Variants in NPM1 observed in about 807,000 individuals in gnomAD.
The protein encoded by NPM1 is nucleophosmin.
NPM1 carries 1 observed loss-of-function variant against 44.1 expected under a neutral mutation model. The ratio of observed to expected loss-of-function variants is 0.02; its 90% confidence interval spans 0.01 to 0.11. The LOEUF is 0.11. Ranked by LOEUF, NPM1 falls within the 10% of genes least tolerant of loss-of-function variation. NPM1 has a pLI of 1.00. For missense variants in NPM1, 197 were observed against 347.8 expected, an observed-to-expected ratio of 0.57 and a Z score of 3.45; for synonymous variants, 126 against 111.8, an observed-to-expected ratio of 1.13 and a Z score of -0.80.
At chr5:171,392,209 A>G (rs114376438) in intron 4 of NPM1, among the ~76,000 whole-genome samples, 2,324 of 152,298 alleles carry the variant, frequency 0.015, 52 homozygotes, top group African/African-American at 0.052. Context: ...TCAAAGTGCT[A>G]GTATTACACG....
At chr5:171,395,557 A>G (rs1027625640) in intron 6 of NPM1, among the ~76,000 whole-genome samples, 1 of 152,302 alleles carries the variant, frequency 6.6e-6, no homozygotes, top group Non-Finnish European at 1.5e-5. Context: ...GTGAGCCACC[A>G]TGCACCGCCG....
At chr5:171,398,830 T>C (rs1771044296) in intron 6 of NPM1, among the ~76,000 whole-genome samples, 1 of 152,240 alleles carries the variant, frequency 6.6e-6, no homozygotes, top group Admixed American at 6.5e-5. Context: ...CCTTAACATG[T>C]AAGAACAGTA....
At chr5:171,397,486 A>G (rs1431555351) in intron 6 of NPM1, among the ~76,000 whole-genome samples, 2 of 152,156 alleles carry the variant, frequency 1.3e-5, no homozygotes, top group Non-Finnish European at 2.9e-5. Context: ...TCCTGGTGGT[A>G]TGAAGTGCTG....
intron 6 of NPM1, among the ~76,000 whole-genome samples, chr5:171,398,349 T>C (rs924105187): frequency 6.6e-6 from 1 of 152,226 alleles, no homozygotes; most frequent in African/African-American, 2.4e-5. Context: ...TGTTCCATTT[T>C]GAGTAAACTT....
At chr5:171,387,199 T>C (rs1256112635), upstream of NPM1, 1 of 152,204 alleles carries the variant, frequency 6.6e-6, no homozygotes, top group Admixed American at 6.5e-5. Flanking sequence ...TTGGAGATGT[T>C]TTCTCAGGAA....
intron 8 of NPM1, among the ~76,000 whole-genome samples, chr5:171,402,098 T>G (rs1012824182): frequency 6.7e-6 from 1 of 149,788 alleles, no homozygotes; most frequent in Non-Finnish European, 1.5e-5. Context: ...ATTTACAATT[T>G]AAACGAATAA....
intron 6 of NPM1, among the ~76,000 whole-genome samples, chr5:171,394,040 T>TG (rs1770734371): frequency 2.0e-5 from 2 of 98,576 alleles, no homozygotes; most frequent in African/African-American, 3.7e-5. Flanking sequence ...GTTTTTGTTT[T>TG]CTTTTTTTTT....
Position 171,390,085 on chromosome 5 carries a change from T to C in NPM1, c.93T>C (p.Phe31=), listed in dbSNP as rs1054208939. 4 of 1,580,156 alleles carry C rather than the reference T, an allele frequency of 2.5e-6. No individual in the cohort carries two copies. Among genetic ancestry groups the C allele is most frequent in the African/African-American group, 1.4e-5 (1 of 73,294 alleles). ...CELKADKDYH[F]KVDNDENEHQ... Reference sequence around the variant, plus strand: ...TAAAGGCCGACAAAGATTATCACTTTAAGGTGGATAATGATGAAAATGAGC... The same window carrying C: ...TAAAGGCCGACAAAGATTATCACTTCAAGGTGGATAATGATGAAAATGAGC... Residue 31 remains phenylalanine, a synonymous_variant, in exon 2 of 11, where the codon TTT becomes TTC. Transcript: ENST00000296930.
intron 6 of NPM1, 87 bp from the exon 7 acceptor site, chr5:171,400,066 A>C (rs1771111399): frequency 1.2e-6 from 1 of 802,480 alleles, no homozygotes; most frequent in East Asian, 2.5e-5. Flanking sequence ...ATGGGTGCAC[A>C]AATAATCACT....
chr5:171,405,123 A>G (rs1324316809), intron 8 of NPM1, among the ~76,000 whole-genome samples, 179 bp from the exon 9 acceptor site: 3 of 152,140 alleles, frequency 2.0e-5, no homozygotes, highest in Non-Finnish European at 4.4e-5. Context: ...TTCCTTCCTT[A>G]AAGGAAAGAT....
chr5:171,401,003 T>C, intron 8 of NPM1, 78 bp downstream of exon 8: 2 of 1,041,202 alleles, frequency 1.9e-6, no homozygotes, highest in East Asian at 2.4e-5. Flanking sequence ...ATCTAGTGTG[T>C]CTGAAATTTG....
chr5:171,405,559 CATTT>C (rs909111991), intron 9 of NPM1, 156 bp downstream of exon 9: 128 of 632,642 alleles, frequency 2.0e-4, no homozygotes, highest in African/African-American at 1.2e-3. Context: ...TCTTATAAAA[CATTT>C]ATAATCGTGT....
chr5:171,387,887 T>C lies in NPM1; in HGVS notation c.-62T>C, dbSNP rs1030760577. The C allele has an allele frequency of 8.6e-6, 13 of 1,519,196 alleles. No homozygotes were observed. The East Asian group carries it at 1.8e-4, about 21-fold the overall frequency. The allele number at this position is 1,519,196 out of a possible 1,614,324, so 94.1% of individuals were successfully genotyped here. A position where few individuals can be genotyped will look rare whatever the true frequency, so the allele number is the denominator to read the frequency against. On this transcript the variant is annotated 5_prime_UTR_variant, in exon 1 of 11. Transcript: ENST00000296930. ...GATTCCGTCCTGCGCGGTTGTTCTCTGGAGCAGCGTTCTTTTATCTCCGTC... is the reference window on the plus strand; with the variant it reads ...GATTCCGTCCTGCGCGGTTGTTCTCCGGAGCAGCGTTCTTTTATCTCCGTC...
intron 10 of NPM1, among the ~76,000 whole-genome samples, chr5:171,408,604 A>G (rs952527420): frequency 1.3e-5 from 2 of 152,152 alleles, no homozygotes; most frequent in Non-Finnish European, 2.9e-5. Flanking sequence ...GCTTTGTGAA[A>G]GTTGTAGTGA....
intron 6 of NPM1, among the ~76,000 whole-genome samples, chr5:171,398,640 G>T (rs767509022): frequency 1.3e-5 from 2 of 152,016 alleles, no homozygotes; most frequent in Non-Finnish European, 2.9e-5. Context: ...GCATGGTAGC[G>T]TGTGCCTGTA....
Position 171,401,008 on chromosome 5 carries a change from A to G in NPM1, c.669+83A>G, listed in dbSNP as rs147066105. 346 of 963,374 alleles carry G rather than the reference A, an allele frequency of 3.6e-4. 2 individuals are homozygous for G. In the African/African-American group the frequency reaches 5.0e-3, roughly 14 times the overall value. 59.7% of individuals were successfully genotyped at this position (963,374 alleles called of 1,614,324 possible). A position where few individuals can be genotyped will look rare whatever the true frequency, so the allele number is the denominator to read the frequency against. ...CTGTGGAAGAATCTAGTGTGTCTGA[A>G]ATTTGATAGGCCTTTATAGAACCCC... On this transcript the variant is annotated intron_variant, in intron 8 of 10. Coordinates refer to ENST00000296930, the MANE Select transcript of NPM1 (RefSeq NM_002520.7).
chr5:171,406,230 AAAAG>A lies in NPM1; in HGVS notation c.771+830_771+833del, dbSNP rs568025430. Among the ~76,000 whole-genome samples the A allele has an allele frequency of 9.6e-4, 146 of 152,206 alleles. 2 individuals carry two copies. The highest frequency in any genetic ancestry group is 9.7e-4 in the Non-Finnish European group (66 of 68,036). On this transcript the variant is annotated intron_variant, in intron 9 of 10. Transcript: ENST00000296930. ...CTTGTACAGTGATAAGTCCACTGGA[AAAAG>A]AATTTTAGAACTGGAACATATTTCT...
intron 1 of NPM1, among the ~76,000 whole-genome samples, chr5:171,389,213 A>C (rs950547066): frequency 3.3e-5 from 5 of 152,224 alleles, no homozygotes; most frequent in South Asian, 2.1e-4. Context: ...AGTAAATGCA[A>C]ATCCTACCGT....
intron 2 of NPM1, among the ~76,000 whole-genome samples, chr5:171,390,617 A>G (rs990355915): frequency 6.6e-6 from 1 of 152,198 alleles, no homozygotes; most frequent in Admixed American, 6.5e-5. Context: ...TTGTTTTTTA[A>G]AAAAATCACA....
Sources: allele counts gnomAD v4.1 joint callset (sites outside exome capture counted in the v4.1 genomes callset), GRCh38; gene constraint gnomAD v4.1.1; transcripts MANE v1.5; gene names NCBI Gene and HGNC (gene_info 2026-07-23, HGNC 2026-07-21).